Variants in GRIN2B observed in about 807,000 individuals in gnomAD.
GRIN2B encodes glutamate ionotropic receptor NMDA type subunit 2B, also known as glutamate receptor ionotropic, NMDA 2B.
Under a neutral mutation model 114.5 loss-of-function variants are expected in GRIN2B, and 5 were observed. The observed-to-expected ratio is 0.04, with a 90% confidence interval of 0.02 to 0.09. The LOEUF is 0.09. Among genes scored for constraint, GRIN2B ranks in the 10% least tolerant of loss-of-function variants. GRIN2B has a pLI of 1.00. For synonymous variants in GRIN2B, 787 were observed against 745.1 expected, an observed-to-expected ratio of 1.06 and a Z score of -0.92; for missense variants, 1,108 against 1,943.5, an observed-to-expected ratio of 0.57 and a Z score of 8.08.
intron 5 of GRIN2B, among the ~76,000 whole-genome samples, chr12:13,644,416 G>C (rs1008247180): frequency 1.4e-4 from 21 of 152,088 alleles, no homozygotes; most frequent in Non-Finnish European, 3.1e-4. Context: ...CTCTCATCCA[G>C]GCCCTGTTTT....
intron 5 of GRIN2B, among the ~76,000 whole-genome samples, chr12:13,634,669 G>C (rs7299611): frequency 0.021 from 3,128 of 151,854 alleles, 111 homozygotes; most frequent in African/African-American, 0.072. Context: ...GAGTCCATCT[G>C]TATACCCAGA....
chr12:13,785,531 T>C (rs1277833126), intron 3 of GRIN2B, among the ~76,000 whole-genome samples: 1 of 152,162 alleles, frequency 6.6e-6, no homozygotes, highest in Non-Finnish European at 1.5e-5. Context: ...CTCTCTCACC[T>C]TCATATTTTT....
chr12:13,552,647 T>G lies in GRIN2B; in HGVS notation c.*10136A>C, dbSNP rs1397501765. 6.6e-6 allele frequency: 1 copy of G among 151,064 alleles called. No homozygotes were observed. Among genetic ancestry groups the G allele is most frequent in the Non-Finnish European group, 1.5e-5 (1 of 67,712 alleles). The allele number at this position is 151,064 out of a possible 1,614,324, so 9.4% of individuals were successfully genotyped here. ...TCCCACCAGCTGTTTACCAGATAAT[T>G]TGTTTCATCAGCTAAAAAAAAAAGT... On this transcript the variant is annotated 3_prime_UTR_variant, in exon 14 of 14. Coordinates refer to ENST00000609686, the MANE Select transcript of GRIN2B (RefSeq NM_000834.5).
At chr12:13,768,822 C>T (rs1245397832) in intron 3 of GRIN2B, among the ~76,000 whole-genome samples, 1 of 152,116 alleles carries the variant, frequency 6.6e-6, no homozygotes, top group African/African-American at 2.4e-5. Context: ...ATCATGAAGT[C>T]AGGAGATTGA....
At chr12:13,939,122 AT>A (rs1010966600) in intron 2 of GRIN2B, among the ~76,000 whole-genome samples, 6 of 152,156 alleles carry the variant, frequency 3.9e-5, no homozygotes, top group African/African-American at 1.4e-4. Flanking sequence ...ATTGTTACTA[AT>A]CAACTTTGTT....
At chr12:13,678,480 C>G (rs1280602023) in intron 4 of GRIN2B, among the ~76,000 whole-genome samples, 1 of 152,114 alleles carries the variant, frequency 6.6e-6, no homozygotes, top group East Asian at 1.9e-4. Context: ...CTGACACCAG[C>G]CTGATTCTCA....
At chr12:13,848,790 A>G (rs1865508980) in intron 3 of GRIN2B, among the ~76,000 whole-genome samples, 1 of 152,194 alleles carries the variant, frequency 6.6e-6, no homozygotes, top group Admixed American at 6.5e-5. Context: ...AGAGTGGAAT[A>G]CACCAACGTG....
At chr12:13,781,246 G>C (rs77309153) in intron 3 of GRIN2B, among the ~76,000 whole-genome samples, 3,455 of 152,236 alleles carry the variant, frequency 0.023, 123 homozygotes, top group African/African-American at 0.078. Flanking sequence ...AAAATACATG[G>C]GTAGGCACGA....
At chr12:13,849,213 C>T (rs1359525492) in intron 3 of GRIN2B, among the ~76,000 whole-genome samples, 3 of 151,726 alleles carry the variant, frequency 2.0e-5, no homozygotes, top group African/African-American at 7.3e-5. Flanking sequence ...GGGACTCTGG[C>T]CGCTGCTCTC....
intron 2 of GRIN2B, among the ~76,000 whole-genome samples, chr12:13,934,807 T>C (rs541023180): frequency 1.2e-4 from 18 of 144,200 alleles, no homozygotes; most frequent in Admixed American, 1.1e-3. Context: ...AAAGCATGGC[T>C]CCAAGTTCTG....
intron 8 of GRIN2B, among the ~76,000 whole-genome samples, chr12:13,613,209 C>G (rs1037138935): frequency 1.3e-5 from 2 of 152,270 alleles, no homozygotes; most frequent in East Asian, 1.9e-4. Flanking sequence ...GCAATTCTAC[C>G]CTGATTTCCC....
intron 10 of GRIN2B, among the ~76,000 whole-genome samples, chr12:13,585,477 G>A (rs767144433): frequency 1.3e-5 from 2 of 152,166 alleles, no homozygotes; most frequent in African/African-American, 2.4e-5. Context: ...AGCCCTATGC[G>A]AGGGACACTC....
At position 13,550,155 on chromosome 12, in the gene GRIN2B, C is replaced by G. The variant is rs1020595168; in HGVS notation, c.*12628G>C. 2 of 152,146 alleles carry G rather than the reference C, an allele frequency of 1.3e-5. No individual in the cohort carries two copies. The highest frequency in any genetic ancestry group is 2.9e-5 in the Non-Finnish European group (2 of 68,024). The allele number at this position is 152,146 out of a possible 1,614,324, so 9.4% of individuals were successfully genotyped here. A position where few individuals can be genotyped will look rare whatever the true frequency, so the allele number is the denominator to read the frequency against. ...CTGAAAGATGATCTTATTTCCAAGT[C>G]AAAGGAGGTTATTTGGAGAAGTGGT... On this transcript the variant is annotated 3_prime_UTR_variant, in exon 14 of 14. Transcript: ENST00000609686.
chr12:13,685,769 C>G (rs1950170644), intron 4 of GRIN2B, among the ~76,000 whole-genome samples: 1 of 152,074 alleles, frequency 6.6e-6, no homozygotes. Flanking sequence ...AAGGAAAGAC[C>G]AGAGTAATGA....
intron 2 of GRIN2B, among the ~76,000 whole-genome samples, chr12:13,890,369 T>C (rs1293305872): frequency 6.6e-6 from 1 of 152,194 alleles, no homozygotes; most frequent in Non-Finnish European, 1.5e-5. Context: ...TCTTACTGAT[T>C]GCTCTATAGG....
intron 3 of GRIN2B, among the ~76,000 whole-genome samples, chr12:13,824,100 A>G (rs1025362884): frequency 9.9e-5 from 15 of 152,128 alleles, no homozygotes; most frequent in African/African-American, 3.6e-4. Flanking sequence ...TAGTTTTCTT[A>G]TAGTATCTTG....
At chr12:13,664,242 G>A (rs1421838319) in intron 5 of GRIN2B, among the ~76,000 whole-genome samples, 1 of 152,070 alleles carries the variant, frequency 6.6e-6, no homozygotes, top group African/African-American at 2.4e-5. Flanking sequence ...TGGGCATGGA[G>A]GCTGAATGCA....
intron 4 of GRIN2B, among the ~76,000 whole-genome samples, chr12:13,723,480 T>TA (rs33929265): frequency 0.22 from 30,791 of 143,072 alleles, 3,333 homozygotes; most frequent in Admixed American, 0.27. Context: ...TAGAATTACT[T>TA]AAAAAAAAAA....
chr12:13,639,717 C>G (rs1949696908), intron 5 of GRIN2B, among the ~76,000 whole-genome samples: 1 of 152,074 alleles, frequency 6.6e-6, no homozygotes, highest in Non-Finnish European at 1.5e-5. Context: ...TGCTGGGGTT[C>G]CACACTTCTT....
Sources: gnomAD v4.1 joint callset for allele counts (sites outside exome capture counted in the v4.1 genomes callset) on GRCh38, gnomAD v4.1.1 for gene constraint, MANE v1.5 for transcripts, NCBI Gene and HGNC (gene_info 2026-07-23, HGNC 2026-07-21) for gene names.